Variants in PCDHGC3 observed in about 807,000 individuals in gnomAD.
PCDHGC3 encodes the protein protocadherin gamma subfamily C, 3, also known as protocadherin gamma-C3.
Under a neutral mutation model 59.2 loss-of-function variants are expected in PCDHGC3, and 26 were observed. That is an observed-to-expected ratio of 0.44 (90% CI 0.32 to 0.61). The LOEUF is 0.61. Among genes scored for constraint, PCDHGC3 ranks in the 20% least tolerant of loss-of-function variants. The probability of loss-of-function intolerance (pLI) is 0.05; values close to 1 mark genes in which losing one functional copy is unlikely to be tolerated. For synonymous variants in PCDHGC3, 487 were observed against 519.7 expected (o/e 0.94, Z 0.86); for missense variants, 1,080 against 1,221.8 (o/e 0.88, Z 1.73).
rs532517723 is a variant in PCDHGC3, at chr5:141,486,244, A to G, written c.2430+7698A>G. The G allele has an allele frequency of 1.2e-5, 19 of 1,614,068 alleles. No homozygotes were observed. The Admixed American group carries it at 2.3e-4, about 20-fold the overall frequency. On this transcript the variant is annotated intron_variant, in intron 1 of 3. Coordinates refer to ENST00000308177, the MANE Select transcript of PCDHGC3 (RefSeq NM_002588.4). This position sits in a 1 kb window ranked among gnomAD's most constrained non-coding sequence, Gnocchi z 5.0. ...ACATCACAGTGACCTCAGAGCTTGGAACCCTCCCCGAGAGTGCAGAACCTG... is the reference window on the plus strand; with the variant it reads ...ACATCACAGTGACCTCAGAGCTTGGGACCCTCCCCGAGAGTGCAGAACCTG...
intron 2 of PCDHGC3, among the ~76,000 whole-genome samples, chr5:141,496,505 A>G (rs1166234572): frequency 1.3e-5 from 2 of 152,144 alleles, no homozygotes; most frequent in Non-Finnish European, 2.9e-5. Flanking sequence ...TGTTGCCACA[A>G]GGACCCAGGA....
Position 141,486,243 on chromosome 5 carries a change from G to T in PCDHGC3, c.2430+7697G>T. ...TACATCACAGTGACCTCAGAGCTTG[G>T]AACCCTCCCCGAGAGTGCAGAACCT... is the stretch of plus-strand genomic sequence containing the variant. On this transcript the variant is annotated intron_variant, in intron 1 of 3. Coordinates refer to ENST00000308177, the MANE Select transcript of PCDHGC3 (RefSeq NM_002588.4). The surrounding 1 kb of genome is among the most constrained non-coding windows in gnomAD (Gnocchi z 5.0). 1 of 1,614,156 alleles carries T rather than the reference G, an allele frequency of 6.2e-7. No individual in the cohort carries two copies. Among genetic ancestry groups the T allele is most frequent in the Non-Finnish European group, 8.5e-7 (1 of 1,180,018 alleles).
intron 1 of PCDHGC3, among the ~76,000 whole-genome samples, chr5:141,482,875 C>T (rs2099573976): frequency 6.6e-6 from 1 of 151,958 alleles, no homozygotes; most frequent in African/African-American, 2.4e-5. Context: ...AGTTTGAAAC[C>T]AGCCTGGCCA....
intron 1 of PCDHGC3, among the ~76,000 whole-genome samples, chr5:141,484,419 A>G (rs978469951): frequency 1.3e-5 from 2 of 152,206 alleles, no homozygotes; most frequent in Non-Finnish European, 2.9e-5. Flanking sequence ...TCCTGTTACA[A>G]TGAGAACATG....
At chr5:141,494,215 G>T (rs984086536) in intron 1 of PCDHGC3, among the ~76,000 whole-genome samples, 2 of 152,200 alleles carry the variant, frequency 1.3e-5, no homozygotes, top group Non-Finnish European at 2.9e-5. Context: ...GCCCAATCTG[G>T]CATGACTCCT....
rs754225999 is a variant in PCDHGC3, at chr5:141,489,509, T to C, written c.2431-5298T>C. The C allele has an allele frequency of 1.2e-6, 2 of 1,614,062 alleles. No homozygotes were observed. The highest frequency in any genetic ancestry group is 1.1e-5 in the South Asian group (1 of 91,074). On this transcript the variant is annotated intron_variant, in intron 1 of 3. Coordinates refer to ENST00000308177, the MANE Select transcript of PCDHGC3 (RefSeq NM_002588.4). The surrounding 1 kb of genome is among the most constrained non-coding windows in gnomAD (Gnocchi z 4.5). ...GGTGCCCTGGCAGTGAATCAAAAGA[T>C]TGACCGAGAAAGCCTATGTGGAGCC...
In PCDHGC3 at chr5:141,490,413, G is replaced by C. The variant is rs2233606; in HGVS notation, c.2431-4394G>C. 6 of 1,614,128 alleles carry C rather than the reference G, an allele frequency of 3.7e-6. No individual in the cohort carries two copies. In the South Asian group the frequency reaches 4.4e-5, roughly 12 times the overall value. On this transcript the variant is annotated intron_variant, in intron 1 of 3. Transcript: ENST00000308177. The surrounding 1 kb of genome is among the most constrained non-coding windows in gnomAD (Gnocchi z 5.4). ...GTGAAGTGAGCCTTGATATCTCTCCGGACCTGCCATTTCAGATTAAGCCTT... is the reference window on the plus strand; with the variant it reads ...GTGAAGTGAGCCTTGATATCTCTCCCGACCTGCCATTTCAGATTAAGCCTT...
chr5:141,510,854 T>A, intron 3 of PCDHGC3, 93 bp from the exon 4 acceptor site: 1 of 1,602,320 alleles, frequency 6.2e-7, no homozygotes, highest in East Asian at 2.2e-5. Context: ...CCCAGGGTGC[T>A]GTATAGGCAT....
In PCDHGC3 at chr5:141,478,480, G is replaced by C. The variant is rs1444434721; in HGVS notation, c.2364G>C (p.Thr788=). 1.9e-6 allele frequency: 3 copies of C among 1,613,564 alleles called. No homozygotes were observed. Among genetic ancestry groups the C allele is most frequent in the South Asian group, 2.2e-5 (2 of 91,052 alleles). Residue 788 remains threonine (T), a synonymous_variant, in exon 1 of 4, where the codon ACG becomes ACC. Coordinates refer to ENST00000308177, the MANE Select transcript of PCDHGC3 (RefSeq NM_002588.4). ...AASPLASRQN[T]LRSCDPVFYR... ...GTCCACTGGCCAGCCGCCAGAACAC[G>C]CTGCGGAGCTGTGATCCGGTGTTCT...
chr5:141,499,223 C>T (rs1478344280), intron 2 of PCDHGC3, among the ~76,000 whole-genome samples: 2 of 152,112 alleles, frequency 1.3e-5, no homozygotes, highest in African/African-American at 4.8e-5. Context: ...CCCTGCCCTG[C>T]AGCTGTCCCC....
chr5:141,501,970 T>C (rs2099812082), intron 2 of PCDHGC3, among the ~76,000 whole-genome samples: 1 of 152,068 alleles, frequency 6.6e-6, no homozygotes. Flanking sequence ...TCCTAACCTC[T>C]GGCATCTGGT....
chr5:141,486,844 C>T lies in PCDHGC3; in HGVS notation c.2431-7963C>T, dbSNP rs150549306. The T allele has an allele frequency of 1.1e-5, 17 of 1,614,220 alleles. No homozygotes were observed. The highest frequency in any genetic ancestry group is 1.4e-5 in the Non-Finnish European group (16 of 1,180,026). ...TAACAGTTCGTCTATTTGTGCTGGACCTCAATGACAATGCTCCAGCTGTGC... is the reference window on the plus strand; with the variant it reads ...TAACAGTTCGTCTATTTGTGCTGGATCTCAATGACAATGCTCCAGCTGTGC... On this transcript the variant is annotated intron_variant, in intron 1 of 3. Transcript: ENST00000308177. The surrounding 1 kb of genome is among the most constrained non-coding windows in gnomAD (Gnocchi z 5.0).
Position 141,490,270 on chromosome 5 carries a change from A to G in PCDHGC3, c.2431-4537A>G. On this transcript the variant is annotated intron_variant, in intron 1 of 3. Coordinates refer to ENST00000308177, the MANE Select transcript of PCDHGC3 (RefSeq NM_002588.4). The surrounding 1 kb of genome is among the most constrained non-coding windows in gnomAD (Gnocchi z 5.4). The stretch of plus-strand genomic sequence containing the variant: ...GATTCAAGTGGATGTGGGGGATGTC[A>G]ATGACAATGCCCCAGAGGTGCTATT... The G allele has an allele frequency of 6.2e-7, 1 of 1,614,226 alleles. No individual in the cohort carries two copies. Among genetic ancestry groups the G allele is most frequent in the African/African-American group, 1.3e-5 (1 of 75,060 alleles).
At position 141,490,776 on chromosome 5, in the gene PCDHGC3, G is replaced by A. The variant is rs1234115299; in HGVS notation, c.2431-4031G>A. 4.3e-6 allele frequency: 7 copies of A among 1,614,162 alleles called. No individual in the cohort carries two copies. Among genetic ancestry groups the A allele is most frequent in the African/African-American group, 1.3e-5 (1 of 75,066 alleles). On this transcript the variant is annotated intron_variant, in intron 1 of 3. Transcript: ENST00000308177. This position sits in a 1 kb window ranked among gnomAD's most constrained non-coding sequence, Gnocchi z 5.4. ...CCTCCTTTGTGTATGTCAACCCAGA[G>A]GATGGACGGATCTTTGCCCAGCGTA...
In PCDHGC3 at chr5:141,486,836, G is replaced by C; in HGVS notation, c.2431-7971G>C. On this transcript the variant is annotated intron_variant, in intron 1 of 3. Coordinates refer to ENST00000308177, the MANE Select transcript of PCDHGC3 (RefSeq NM_002588.4). This position sits in a 1 kb window ranked among gnomAD's most constrained non-coding sequence, Gnocchi z 5.0. ...CAGCACTGTAACAGTTCGTCTATTT[G>C]TGCTGGACCTCAATGACAATGCTCC... 1 of 1,614,242 alleles carries C rather than the reference G, an allele frequency of 6.2e-7. No individual in the cohort carries two copies. The highest frequency in any genetic ancestry group is 8.5e-7 in the Non-Finnish European group (1 of 1,180,046).
rs769249726 is a variant in PCDHGC3 at position 141,490,832 on chromosome 5, A to C, written c.2431-3975A>C. On this transcript the variant is annotated intron_variant, in intron 1 of 3. Transcript: ENST00000308177. This position sits in a 1 kb window ranked among gnomAD's most constrained non-coding sequence, Gnocchi z 5.4. Reference sequence around the variant, plus strand: ...GACTATGAATTGCTGCAGATGCTGCAGATTGTGGTGGGGGTTCGAGACTCC... The same window carrying C: ...GACTATGAATTGCTGCAGATGCTGCCGATTGTGGTGGGGGTTCGAGACTCC... 1.5e-5 allele frequency: 25 copies of C among 1,613,796 alleles called. No individual in the cohort carries two copies. In the South Asian group the frequency reaches 2.6e-4, roughly 17 times the overall value.
Position 141,485,992 on chromosome 5 carries a change from C to T in PCDHGC3, c.2430+7446C>T. The T allele has an allele frequency of 6.2e-7, 1 of 1,614,156 alleles. No individual in the cohort carries two copies. The highest frequency in any genetic ancestry group is 2.2e-5 in the East Asian group (1 of 44,870). On this transcript the variant is annotated intron_variant, in intron 1 of 3. Coordinates refer to ENST00000308177, the MANE Select transcript of PCDHGC3 (RefSeq NM_002588.4). The surrounding 1 kb of genome is among the most constrained non-coding windows in gnomAD (Gnocchi z 5.7). ...ATGCCTCAGACCCGGACCTGGGTCC[C>T]AGTGGTAACGTCACCTTTTATTTCA...
In PCDHGC3 at chr5:141,489,720, G is replaced by A. The variant is rs560729125; in HGVS notation, c.2431-5087G>A. ...TCCCACTGGACAGTGCCCAGGATCC[G>A]GATGTGGGCACCAATACTGTGAGCT... On this transcript the variant is annotated intron_variant, in intron 1 of 3. Transcript: ENST00000308177. The surrounding 1 kb of genome is among the most constrained non-coding windows in gnomAD (Gnocchi z 4.5). The A allele has an allele frequency of 3.2e-5, 51 of 1,614,200 alleles. No individual in the cohort carries two copies. The highest frequency in any genetic ancestry group is 9.3e-5 in the African/African-American group (7 of 75,048).
intron 1 of PCDHGC3, 177 bp from the exon 2 acceptor site, chr5:141,494,630 C>T (rs991482599): frequency 5.8e-6 from 5 of 866,562 alleles, no homozygotes; most frequent in Non-Finnish European, 6.9e-6. Flanking sequence ...GTACCTCAGA[C>T]CTCTGAGACC....
Sources: allele counts gnomAD v4.1 joint callset (sites outside exome capture counted in the v4.1 genomes callset), GRCh38; gene constraint gnomAD v4.1.1; non-coding constraint Gnocchi (gnomAD v3.1); transcripts MANE v1.5; gene names NCBI Gene and HGNC (gene_info 2026-07-23, HGNC 2026-07-21).